PARN: variants seen among roughly 807,000 people sequenced by gnomAD.
PARN encodes poly(A)-specific ribonuclease PARN.
Under a neutral mutation model 102.8 loss-of-function variants are expected in PARN, and 71 were observed. That is an observed-to-expected ratio of 0.69 (90% confidence interval 0.57 to 0.84). The LOEUF is 0.84. Ranked by LOEUF, PARN falls within the 40% of genes least tolerant of loss-of-function variation. The probability of loss-of-function intolerance (pLI) is 0.00; values close to 1 mark genes in which losing one functional copy is unlikely to be tolerated. For synonymous variants in PARN, 261 were observed against 252.9 expected, an observed-to-expected ratio of 1.03 and a Z score of -0.30; for missense variants, 782 against 760.9, an observed-to-expected ratio of 1.03 and a Z score of -0.33.
Position 14,479,340 on chromosome 16 carries a change from G to A in PARN, c.1670+3298C>T, listed in dbSNP as rs527298160. Among the ~76,000 whole-genome samples, 4 of 151,890 alleles carry A rather than the reference G, an allele frequency of 2.6e-5. No individual in the cohort carries two copies. The South Asian group carries it at 8.4e-4, about 32-fold the overall frequency. ...GGGTGGCTGAGGCAGGAGACTCCTA[G>A]GGCCCAAGAGGTCAAGGCTGCAGTG... is the stretch of plus-strand genomic sequence containing the variant. On this transcript the variant is annotated intron_variant, in intron 22 of 23. Coordinates refer to ENST00000437198, the MANE Select transcript of PARN (RefSeq NM_002582.4).
intron 21 of PARN, among the ~76,000 whole-genome samples, chr16:14,550,142 T>C (rs992689228): frequency 2.6e-5 from 4 of 152,218 alleles, no homozygotes; most frequent in Admixed American, 2.6e-4. Context: ...ACTGTAACTG[T>C]AACCTCAAGG....
chr16:14,457,472 C>T lies in PARN; in HGVS notation c.1671-10391G>A, dbSNP rs542344520. Among the ~76,000 whole-genome samples, 10 of 152,244 alleles carry T rather than the reference C, an allele frequency of 6.6e-5. No homozygotes were observed. In the East Asian group the frequency reaches 1.9e-3, roughly 29 times the overall value. ...TCAGAAGCCAAACCCTCGGAGATCA[C>T]TGATAAACCAGGATTCTTATTTCTA... On this transcript the variant is annotated intron_variant, in intron 22 of 23. Transcript: ENST00000437198.
chr16:14,537,010 C>T (rs1462033993), intron 21 of PARN, among the ~76,000 whole-genome samples: 1 of 151,984 alleles, frequency 6.6e-6, no homozygotes, highest in Non-Finnish European at 1.5e-5. Context: ...AAAAACAACC[C>T]GATGAATGGG....
chr16:14,549,967 C>A (rs986008085), intron 21 of PARN, among the ~76,000 whole-genome samples: 3 of 152,198 alleles, frequency 2.0e-5, no homozygotes, highest in Admixed American at 6.5e-5. Flanking sequence ...CAAAGTTAGT[C>A]CCCGTGTCAG....
intron 13 of PARN, among the ~76,000 whole-genome samples, chr16:14,591,389 CT>C (rs1970185844): frequency 1.1e-5 from 1 of 93,456 alleles, no homozygotes; most frequent in South Asian, 2.8e-4. Flanking sequence ...GACTCCATCT[CT>C]AAAAAAAAAA....
chr16:14,538,680 G>C (rs529438060), intron 21 of PARN, among the ~76,000 whole-genome samples: 2 of 152,242 alleles, frequency 1.3e-5, no homozygotes, highest in East Asian at 3.9e-4. Flanking sequence ...CTTAGGTCCA[G>C]CTAACATAGG....
chr16:14,475,045 G>T (rs1405168836), intron 22 of PARN, among the ~76,000 whole-genome samples: 1 of 152,188 alleles, frequency 6.6e-6, no homozygotes, highest in Non-Finnish European at 1.5e-5. Flanking sequence ...CTACCTAGCA[G>T]GAATTCGGAG....
At chr16:14,481,349 A>G (rs1202217895) in intron 22 of PARN, among the ~76,000 whole-genome samples, 2 of 152,224 alleles carry the variant, frequency 1.3e-5, no homozygotes, top group Non-Finnish European at 2.9e-5. Context: ...AAAATATATT[A>G]AGCAAAAAAG....
rs1960704012 is a variant in PARN at position 14,436,525 on chromosome 16, A to AAT, written c.*191_*192insAT. The AAT allele has an allele frequency of 1.7e-6, 1 of 604,460 alleles. No homozygotes were observed. The highest frequency in any genetic ancestry group is 2.9e-5 in the Admixed American group (1 of 34,394). 37.4% of individuals were successfully genotyped at this position (604,460 alleles called of 1,614,324 possible). A position where few individuals can be genotyped will look rare whatever the true frequency, so the allele number is the denominator to read the frequency against. The stretch of plus-strand genomic sequence containing the variant: ...GTGATGAGTGTCAATGTCAACAGGC[A>AAT]GTTAGATTAAAAAGGGGAAAAAACC... On this transcript the variant is annotated 3_prime_UTR_variant, in exon 24 of 24. Transcript: ENST00000437198.
At chr16:14,546,003 AT>A (rs1966912361) in intron 21 of PARN, among the ~76,000 whole-genome samples, 1 of 152,246 alleles carries the variant, frequency 6.6e-6, no homozygotes, top group Admixed American at 6.5e-5. Flanking sequence ...ATATCAAACA[AT>A]ACAGAGAAAC....
intron 18 of PARN, among the ~76,000 whole-genome samples, chr16:14,568,290 G>A (rs1027474210): frequency 1.1e-4 from 16 of 147,136 alleles, no homozygotes; most frequent in Non-Finnish European, 2.1e-4. Flanking sequence ...TCGGCTCACC[G>A]CAGCCTCTGC....
intron 18 of PARN, among the ~76,000 whole-genome samples, chr16:14,567,876 C>A (rs192460871): frequency 4.6e-5 from 7 of 152,356 alleles, no homozygotes; most frequent in African/African-American, 1.7e-4. Context: ...TTTTCACTTA[C>A]AACCCAACTT....
At chr16:14,514,960 T>C (rs1203321267) in intron 21 of PARN, among the ~76,000 whole-genome samples, 2 of 152,182 alleles carry the variant, frequency 1.3e-5, no homozygotes, top group Non-Finnish European at 2.9e-5. Flanking sequence ...TGAAGCTAAG[T>C]TTCCATCATG....
At chr16:14,545,633 G>T (rs1966889265) in intron 21 of PARN, among the ~76,000 whole-genome samples, 1 of 152,160 alleles carries the variant, frequency 6.6e-6, no homozygotes, top group African/African-American at 2.4e-5. Flanking sequence ...CTGACCATAA[G>T]GCCTGTGCGC....
chr16:14,578,045 C>T (rs1180750852), intron 18 of PARN, among the ~76,000 whole-genome samples: 2 of 151,862 alleles, frequency 1.3e-5, no homozygotes, highest in South Asian at 2.1e-4. Flanking sequence ...ATAATAAAAA[C>T]AGGCCATGCA....
At chr16:14,465,189 T>C in intron 22 of PARN, among the ~76,000 whole-genome samples, 1 of 152,166 alleles carries the variant, frequency 6.6e-6, no homozygotes, top group East Asian at 1.9e-4. Context: ...TGCCTCAGCT[T>C]CCCGAGTAGC....
chr16:14,601,793 T>C (rs938335949), intron 11 of PARN: 1 of 151,430 alleles, frequency 6.6e-6, no homozygotes, highest in African/African-American at 2.4e-5. Flanking sequence ...CGCAGTGGCA[T>C]GCACCTGTAA....
chr16:14,515,736 G>C (rs899215031), intron 21 of PARN, among the ~76,000 whole-genome samples: 1 of 151,914 alleles, frequency 6.6e-6, no homozygotes, highest in African/African-American at 2.4e-5. Flanking sequence ...AGGGATTCAA[G>C]GCCAGCCTGG....
At chr16:14,491,984 C>T (rs974826166) in intron 21 of PARN, among the ~76,000 whole-genome samples, 4 of 152,264 alleles carry the variant, frequency 2.6e-5, no homozygotes, top group African/African-American at 4.8e-5. Flanking sequence ...GGCTCTGGCT[C>T]GAACGGGTAG....
Sources: allele counts gnomAD v4.1 joint callset (sites outside exome capture counted in the v4.1 genomes callset), GRCh38; gene constraint gnomAD v4.1.1; transcripts MANE v1.5; gene names NCBI Gene and HGNC (gene_info 2026-07-23, HGNC 2026-07-21).